The following NDST3 variants were observed in gnomAD, a reference collection of about 807,000 sequenced individuals.
The protein encoded by NDST3 is N-deacetylase and N-sulfotransferase 3.
In NDST3, 58 loss-of-function variants were observed where a neutral mutation model predicts 96.1. The observed-to-expected ratio is 0.60, with a 90% CI of 0.49 to 0.75. The LOEUF (loss-of-function observed/expected upper bound fraction) is 0.75. Among genes scored for constraint, NDST3 ranks in the 30% least tolerant of loss-of-function variants. NDST3 has a pLI of 0.00. For synonymous variants in NDST3, 333 were observed against 359.7 expected (o/e 0.93, Z 0.84); for missense variants, 788 against 1,034.2 (o/e 0.76, Z 3.27).
intron 6 of NDST3, among the ~76,000 whole-genome samples, chr4:118,181,524 T>G (rs1026092342): frequency 2.0e-5 from 3 of 152,140 alleles, no homozygotes; most frequent in African/African-American, 7.2e-5. Context: ...TTCAATTAAC[T>G]GAGAAGCTCC....
chr4:118,104,319 G>C (rs1729996987), intron 2 of NDST3, among the ~76,000 whole-genome samples: 1 of 152,042 alleles, frequency 6.6e-6, no homozygotes, highest in South Asian at 2.1e-4. Flanking sequence ...GACAGAGAAG[G>C]AGACAGAGAG....
chr4:118,173,867 T>G (rs1020617376), intron 6 of NDST3, among the ~76,000 whole-genome samples: 1 of 152,148 alleles, frequency 6.6e-6, no homozygotes, highest in African/African-American at 2.4e-5. Flanking sequence ...AGAATTCCAG[T>G]AGAAGATCTA....
At chr4:118,157,428 G>GT (rs35472465) in intron 6 of NDST3, among the ~76,000 whole-genome samples, 1,418 of 128,024 alleles carry the variant, frequency 0.011, 25 homozygotes, top group Middle Eastern at 0.093. Context: ...TTTTGTTTTT[G>GT]TTTTTTTTTT....
At chr4:118,151,756 C>T (rs900349657) in intron 6 of NDST3, among the ~76,000 whole-genome samples, 6 of 152,130 alleles carry the variant, frequency 3.9e-5, no homozygotes, top group South Asian at 2.1e-4. Context: ...TTAATGTTTT[C>T]CTAAGTGACC....
In NDST3 at chr4:118,224,614, G is replaced by A. The variant is rs1428849480; in HGVS notation, c.1663G>A (p.Val555Ile). 6 of 1,611,762 alleles carry A rather than the reference G, an allele frequency of 3.7e-6. No homozygotes were observed. In the Admixed American group the frequency reaches 1.0e-4, roughly 27 times the overall value. The change falls in exon 7 of 14, where the codon GTA (valine) becomes ATA (isoleucine). Residue 555 changes from valine to isoleucine, a missense_variant. Transcript: ENST00000296499. ...CCTGCGACTTCAGACTCTGCCTCCA[G>A]TACAACTGGCCCACAAGTATTTTGA... ...TNLRLQTLPP[V>I]QLAHKYFELF...
chr4:118,220,819 T>C (rs960087371), intron 6 of NDST3, among the ~76,000 whole-genome samples: 4 of 152,014 alleles, frequency 2.6e-5, no homozygotes, highest in African/African-American at 9.7e-5. Context: ...TTGAAATATA[T>C]TTATGAACTT....
chr4:118,052,224 CT>C (rs1725120429), intron 1 of NDST3, among the ~76,000 whole-genome samples: 1 of 152,070 alleles, frequency 6.6e-6, no homozygotes, highest in African/African-American at 2.4e-5. Context: ...GAAGTCATGT[CT>C]TTTGTAGTAA....
At chr4:118,139,656 T>G (rs1733405388) in intron 5 of NDST3, among the ~76,000 whole-genome samples, 2 of 152,150 alleles carry the variant, frequency 1.3e-5, no homozygotes, top group African/African-American at 2.4e-5. Context: ...TGAGAGCAAC[T>G]TTTTTCTGAT....
chr4:118,180,901 GT>G (rs957440733), intron 6 of NDST3, among the ~76,000 whole-genome samples: 1 of 152,168 alleles, frequency 6.6e-6, no homozygotes, highest in African/African-American at 2.4e-5. Flanking sequence ...CAGAGTTTGT[GT>G]CCCCTGCAGT....
At chr4:118,192,721 TTTTG>T (rs1737394082) in intron 6 of NDST3, among the ~76,000 whole-genome samples, 1 of 151,396 alleles carries the variant, frequency 6.6e-6, no homozygotes, top group African/African-American at 2.5e-5. Context: ...GGGTTTTTTT[TTTTG>T]TTTTTATTGT....
intron 4 of NDST3, among the ~76,000 whole-genome samples, chr4:118,119,771 T>C (rs1308628632): frequency 1.3e-5 from 2 of 152,178 alleles, no homozygotes; most frequent in Non-Finnish European, 2.9e-5. Flanking sequence ...ACCCCTATCC[T>C]GCTACCACAT....
intron 12 of NDST3, 95 bp from the exon 13 acceptor site, chr4:118,253,404 T>C (rs1578880116): frequency 7.4e-6 from 5 of 677,356 alleles, no homozygotes; most frequent in Non-Finnish European, 1.3e-5. Flanking sequence ...TATTTATGTA[T>C]TGGTCACTAT....
chr4:118,166,946 T>G (rs1396232984), intron 6 of NDST3, among the ~76,000 whole-genome samples: 1 of 151,882 alleles, frequency 6.6e-6, no homozygotes, highest in African/African-American at 2.4e-5. Context: ...AACCTCATTC[T>G]TCATGGTAAA....
intron 2 of NDST3, among the ~76,000 whole-genome samples, chr4:118,081,608 GCAAA>G (rs1560629260): frequency 6.6e-6 from 1 of 152,114 alleles, no homozygotes; most frequent in African/African-American, 2.4e-5. Context: ...GCATCCAGAG[GCAAA>G]GGCTGTTATG....
chr4:118,064,999 G>GCTTTTAAGGATC (rs1307405963), intron 2 of NDST3, among the ~76,000 whole-genome samples: 3 of 152,066 alleles, frequency 2.0e-5, no homozygotes, highest in Non-Finnish European at 4.4e-5. Flanking sequence ...AAGGTTCTCT[G>GCTTTTAAGGATC]CTTTTAAGGA....
At chr4:118,156,004 T>A (rs951248693) in intron 6 of NDST3, among the ~76,000 whole-genome samples, 1 of 152,200 alleles carries the variant, frequency 6.6e-6, no homozygotes, top group Non-Finnish European at 1.5e-5. Flanking sequence ...TTTTAATTCC[T>A]ACATACTAAA....
chr4:118,248,672 C>T (rs1741471219), intron 12 of NDST3, among the ~76,000 whole-genome samples: 2 of 152,272 alleles, frequency 1.3e-5, no homozygotes, highest in African/African-American at 4.8e-5. Context: ...AAAGGAGGGC[C>T]CCAGCCATGA....
intron 6 of NDST3, among the ~76,000 whole-genome samples, chr4:118,197,747 T>C (rs1163594400): frequency 2.0e-5 from 3 of 151,680 alleles, no homozygotes; most frequent in Non-Finnish European, 4.4e-5. Context: ...GTCTCAGTTT[T>C]TGGGGGGTTT....
intron 3 of NDST3, 89 bp from the exon 4 acceptor site, chr4:118,114,717 A>G: frequency 1.5e-6 from 2 of 1,372,728 alleles, no homozygotes; most frequent in Admixed American, 4.1e-5. Context: ...CTAAATACAT[A>G]TACGAGAAAA....
Sources: gnomAD v4.1 joint callset for allele counts (sites outside exome capture counted in the v4.1 genomes callset) on GRCh38, gnomAD v4.1.1 for gene constraint, MANE v1.5 for transcripts, NCBI Gene and HGNC (gene_info 2026-07-23, HGNC 2026-07-21) for gene names.